Variants in SRGAP2 observed in about 807,000 individuals in gnomAD.
SRGAP2 encodes SLIT-ROBO Rho GTPase activating protein 2, also known as SLIT-ROBO Rho GTPase-activating protein 2.
Under a neutral mutation model 57.2 loss-of-function variants are expected in SRGAP2, and 15 were observed. That is an observed-to-expected ratio of 0.26 (90% CI 0.18 to 0.40). The LOEUF is 0.40. Ranked by LOEUF, SRGAP2 falls within the 10% of genes least tolerant of loss-of-function variation. The pLI is 1.00. For missense variants in SRGAP2, 520 were observed against 669.6 expected, an observed-to-expected ratio of 0.78 and a Z score of 2.47; for synonymous variants, 249 against 248.0, an observed-to-expected ratio of 1.00 and a Z score of -0.04.
At chr1:206,237,564 A>AT (rs559456918) in intron 2 of SRGAP2, among the ~76,000 whole-genome samples, 1 of 151,770 alleles carries the variant, frequency 6.6e-6, no homozygotes, top group Non-Finnish European at 1.5e-5. Flanking sequence ...TTCAGCAGCA[A>AT]TTTTTTTTAG....
Position 206,461,550 on chromosome 1 carries a change from T to A in SRGAP2, c.*130T>A. On this transcript the variant is annotated 3_prime_UTR_variant, in exon 23 of 23. Transcript: ENST00000573034. ...TAAGTTGTTCTTGCAGGAATTAGCC[T>A]CCCCGTCTCCCAAAACCTTGAGAAT... The A allele has an allele frequency of 1.5e-6, 1 of 646,098 alleles. No homozygotes were observed. The highest frequency in any genetic ancestry group is 2.8e-6 in the Non-Finnish European group (1 of 355,028). 40.0% of individuals were successfully genotyped at this position (646,098 alleles called of 1,614,324 possible).
chr1:206,388,146 A>AAG (rs1656477712), intron 5 of SRGAP2, among the ~76,000 whole-genome samples: 1 of 143,900 alleles, frequency 6.9e-6, no homozygotes, highest in Non-Finnish European at 1.5e-5. Context: ...AGAGTCAAGG[A>AAG]AGCTCTAGAA....
rs782541383 is a variant in SRGAP2 at position 206,392,675 on chromosome 1, G to A, written c.487-14G>A. On this transcript the variant is annotated splice_polypyrimidine_tract_variant and intron_variant, in intron 5 of 22. Coordinates refer to ENST00000573034, the MANE Select transcript of SRGAP2 (RefSeq NM_015326.5). ...GCTTGACCTCTGGGGGTGGGGGTGGGCGATGTCTTGCAGGTGATGAAGACA... is the reference window on the plus strand; with the variant it reads ...GCTTGACCTCTGGGGGTGGGGGTGGACGATGTCTTGCAGGTGATGAAGACA... 3 of 749,740 alleles carry A rather than the reference G, an allele frequency of 4.0e-6. No homozygotes were observed. Among genetic ancestry groups the A allele is most frequent in the East Asian group, 2.5e-5 (1 of 39,658 alleles). 46.4% of individuals were successfully genotyped at this position (749,740 alleles called of 1,614,324 possible). A position where few individuals can be genotyped will look rare whatever the true frequency, so the allele number is the denominator to read the frequency against.
At chr1:206,440,168 C>G in intron 17 of SRGAP2, 87 bp downstream of exon 17, 1 of 715,104 alleles carries the variant, frequency 1.4e-6, no homozygotes, top group Non-Finnish European at 2.6e-6. Flanking sequence ...ATTCATCCAT[C>G]CCAACAAAAT....
At chr1:206,447,567 T>C (rs1214138791) in intron 18 of SRGAP2, among the ~76,000 whole-genome samples, 1 of 152,142 alleles carries the variant, frequency 6.6e-6, no homozygotes, top group East Asian at 1.9e-4. Context: ...CGACAGATGG[T>C]TGGTGGTGAC....
chr1:206,426,945 G>A (rs782004841), intron 13 of SRGAP2, among the ~76,000 whole-genome samples: 3 of 151,982 alleles, frequency 2.0e-5, no homozygotes, highest in Non-Finnish European at 4.4e-5. Flanking sequence ...CGTTTCCTTT[G>A]CTCTGCAAAA....
intron 2 of SRGAP2, among the ~76,000 whole-genome samples, chr1:206,291,767 TA>T (rs1295139006): frequency 6.1e-5 from 9 of 147,616 alleles, no homozygotes; most frequent in African/African-American, 1.3e-4. Context: ...TACCTTTCCA[TA>T]AAAAAAAAAC....
At chr1:206,253,542 C>T (rs1253270001) in intron 2 of SRGAP2, among the ~76,000 whole-genome samples, 6 of 150,190 alleles carry the variant, frequency 4.0e-5, no homozygotes, top group African/African-American at 1.5e-4. Context: ...TTCCTTCACT[C>T]TCTCTCTCTT....
At chr1:206,432,318 T>C (rs1661343811) in intron 14 of SRGAP2, among the ~76,000 whole-genome samples, 1 of 152,184 alleles carries the variant, frequency 6.6e-6, no homozygotes, top group South Asian at 2.1e-4. Context: ...CATTTATATG[T>C]TACTAATGGG....
chr1:206,237,343 G>A (rs71263597), intron 2 of SRGAP2, among the ~76,000 whole-genome samples: 6,054 of 152,228 alleles, frequency 0.04, 138 homozygotes, highest in Non-Finnish European at 0.043. Flanking sequence ...TTTTATGTGG[G>A]CCAGGGCTTT....
chr1:206,338,100 G>C (rs1553334167), intron 3 of SRGAP2, among the ~76,000 whole-genome samples: 1 of 132,596 alleles, frequency 7.5e-6, no homozygotes, highest in Admixed American at 7.9e-5. Context: ...GTCTCCTTTC[G>C]ACTCCAGAGT....
At position 206,347,866 on chromosome 1, in the gene SRGAP2, C is replaced by A. The variant is rs573611574; in HGVS notation, c.423+4858C>A. Reference sequence around the variant, plus strand: ...TTTTCCTACCTGGGGTTGGGGCAAGCAGCTGGAAGTTGGGAATGAAATAGG... The same window carrying A: ...TTTTCCTACCTGGGGTTGGGGCAAGAAGCTGGAAGTTGGGAATGAAATAGG... On this transcript the variant is annotated intron_variant, in intron 4 of 22. Transcript: ENST00000573034. Among the ~76,000 whole-genome samples, 815 of 151,256 alleles carry A rather than the reference C, an allele frequency of 5.4e-3. 14 individuals carry two copies. The highest frequency in any genetic ancestry group is 0.019 in the African/African-American group (782 of 40,724).
In SRGAP2 at chr1:206,398,291, G is replaced by A. The variant is rs562389685; in HGVS notation, c.832-3130G>A. Reference sequence around the variant, plus strand: ...TAACCTTGCCAGATATTGCTTCTTCGCTGAAGGCTCGGTTTCTGGCTGTTT... The same window carrying A: ...TAACCTTGCCAGATATTGCTTCTTCACTGAAGGCTCGGTTTCTGGCTGTTT... On this transcript the variant is annotated intron_variant, in intron 7 of 22. Coordinates refer to ENST00000573034, the MANE Select transcript of SRGAP2 (RefSeq NM_015326.5). 1.3e-4 allele frequency among the ~76,000 whole-genome samples: 20 copies of A among 152,030 alleles called. No individual in the cohort carries two copies. In the East Asian group the frequency reaches 2.1e-3, roughly 16 times the overall value.
chr1:206,303,886 T>TCACACACA (rs1376040852), intron 3 of SRGAP2, among the ~76,000 whole-genome samples: 2 of 132,882 alleles, frequency 1.5e-5, no homozygotes, highest in Admixed American at 7.4e-5. Flanking sequence ...TCTCTCTCTC[T>TCACACACA]CTCACACACA....
intron 22 of SRGAP2, among the ~76,000 whole-genome samples, chr1:206,460,012 G>C (rs1475291829): frequency 6.6e-6 from 1 of 152,232 alleles, no homozygotes; most frequent in African/African-American, 2.4e-5. Context: ...GAGTGCGACT[G>C]AGGAGGGAGA....
At chr1:206,372,955 CTTTTCT>C (rs1355338913) in intron 4 of SRGAP2, among the ~76,000 whole-genome samples, 1 of 39,646 alleles carries the variant, frequency 2.5e-5, no homozygotes, top group Non-Finnish European at 4.6e-5. Context: ...TTCTTTCTTT[CTTTTCT>C]TTCCTTTCTT....
chr1:206,420,032 T>C (rs1456156115), intron 12 of SRGAP2, among the ~76,000 whole-genome samples: 1 of 151,950 alleles, frequency 6.6e-6, no homozygotes, highest in Non-Finnish European at 1.5e-5. Flanking sequence ...TATGAGAAAA[T>C]TTGTGAGCTG....
At chr1:206,452,943 T>A in intron 19 of SRGAP2, among the ~76,000 whole-genome samples, 1 of 145,370 alleles carries the variant, frequency 6.9e-6, no homozygotes, top group African/African-American at 2.5e-5. Context: ...ATGTGCTTCA[T>A]CAGGCAGATA....
At chr1:206,342,337 C>T (rs1252998561) in intron 3 of SRGAP2, among the ~76,000 whole-genome samples, 1 of 152,084 alleles carries the variant, frequency 6.6e-6, no homozygotes, top group Non-Finnish European at 1.5e-5. Flanking sequence ...GACTTAGTGG[C>T]TAAAATGATG....
Sources: allele counts gnomAD v4.1 joint callset (sites outside exome capture counted in the v4.1 genomes callset), GRCh38; gene constraint gnomAD v4.1.1; transcripts MANE v1.5; gene names NCBI Gene and HGNC (gene_info 2026-07-23, HGNC 2026-07-21).